Variants in PPARGC1A observed in about 807,000 individuals in gnomAD.
PPARGC1A encodes the protein peroxisome proliferator-activated receptor gamma coactivator 1-alpha.
In PPARGC1A, 25 loss-of-function variants were observed where a neutral mutation model predicts 88.7. The observed-to-expected ratio is 0.28, with a 90% confidence interval of 0.21 to 0.39. PPARGC1A has a LOEUF of 0.39. Among genes scored for constraint, PPARGC1A ranks in the 10% least tolerant of loss-of-function variants. The pLI is 1.00. For missense variants in PPARGC1A, 880 were observed against 968.7 expected (o/e 0.91, Z 1.22); for synonymous variants, 363 against 355.6 (o/e 1.02, Z -0.24).
At chr4:24,039,168 C>T in the PPARGC1A span, among the ~76,000 whole-genome samples, 3 of 152,138 alleles carry the variant, frequency 2.0e-5, no homozygotes, top group African/African-American at 4.8e-5. Context: ...GTAATTTATT[C>T]GCTTTCCAAT....
the PPARGC1A span, among the ~76,000 whole-genome samples, chr4:24,069,927 C>A: frequency 2.6e-5 from 4 of 152,286 alleles, no homozygotes; most frequent in East Asian, 7.7e-4. Flanking sequence ...GACAGGATGC[C>A]TGGCTGAGCA....
At chr4:23,812,004 A>G (rs1046737221) in intron 10 of PPARGC1A, among the ~76,000 whole-genome samples, 8 of 128,008 alleles carry the variant, frequency 6.2e-5, no homozygotes, top group African/African-American at 2.4e-4. Context: ...TGCAACCTCC[A>G]CCTCCCTGGT....
the PPARGC1A span, among the ~76,000 whole-genome samples, chr4:24,356,273 G>A: frequency 6.6e-6 from 1 of 151,888 alleles, no homozygotes; most frequent in East Asian, 1.9e-4. Flanking sequence ...CACAGGGGAA[G>A]CTACAGGGAT....
chr4:24,286,103 A>G, the PPARGC1A span, among the ~76,000 whole-genome samples: 1 of 151,366 alleles, frequency 6.6e-6, no homozygotes, highest in Non-Finnish European at 1.5e-5. Flanking sequence ...TCTTTTACCA[A>G]TCTCTGCATG....
the PPARGC1A span, among the ~76,000 whole-genome samples, chr4:24,173,833 A>G: frequency 6.6e-6 from 1 of 152,232 alleles, no homozygotes; most frequent in Non-Finnish European, 1.5e-5. Flanking sequence ...ACATTTGAAG[A>G]GTTATCACCC....
chr4:24,197,485 C>T, the PPARGC1A span, among the ~76,000 whole-genome samples: 3 of 152,314 alleles, frequency 2.0e-5, no homozygotes, highest in South Asian at 2.1e-4. Context: ...CCAGGTCCCA[C>T]CTTGGTGCTC....
At chr4:24,374,229 TC>T in the PPARGC1A span, among the ~76,000 whole-genome samples, 2 of 152,202 alleles carry the variant, frequency 1.3e-5, no homozygotes, top group African/African-American at 4.8e-5. Context: ...GTATTTCTTT[TC>T]TTCTATCTGC....
chr4:23,802,032 C>G, intron 11 of PPARGC1A, 151 bp from the exon 12 acceptor site: 1 of 1,284,266 alleles, frequency 7.8e-7, no homozygotes, highest in Non-Finnish European at 1.1e-6. Flanking sequence ...CAGCTAAATA[C>G]TTATTTCTGG....
the PPARGC1A span, among the ~76,000 whole-genome samples, chr4:24,367,782 A>C: frequency 6.6e-6 from 1 of 152,186 alleles, no homozygotes; most frequent in African/African-American, 2.4e-5. Flanking sequence ...AATAAGGCAA[A>C]CCTGCCCATT....
At chr4:24,011,264 C>T in the PPARGC1A span, among the ~76,000 whole-genome samples, 5 of 152,128 alleles carry the variant, frequency 3.3e-5, no homozygotes, top group South Asian at 2.1e-4. Flanking sequence ...AAGGCACCTG[C>T]GTATGGACTT....
chr4:24,460,752 C>T, the PPARGC1A span, among the ~76,000 whole-genome samples: 1 of 152,178 alleles, frequency 6.6e-6, no homozygotes, highest in South Asian at 2.1e-4. Flanking sequence ...ATTAGCACTG[C>T]TTCCTGGGCC....
the PPARGC1A span, among the ~76,000 whole-genome samples, chr4:24,193,026 GA>G: frequency 8.5e-5 from 13 of 152,226 alleles, no homozygotes; most frequent in African/African-American, 3.1e-4. Context: ...AGCAAGAGGA[GA>G]TATCTAGATC....
At chr4:24,345,007 G>A in the PPARGC1A span, among the ~76,000 whole-genome samples, 5 of 152,128 alleles carry the variant, frequency 3.3e-5, no homozygotes, top group African/African-American at 1.2e-4. Flanking sequence ...TTGTTGAAAA[G>A]GGGGTCCTTT....
the PPARGC1A span, among the ~76,000 whole-genome samples, chr4:24,126,508 G>A: frequency 7.8e-4 from 119 of 152,284 alleles, no homozygotes; most frequent in East Asian, 0.02. Flanking sequence ...GATGAGATAG[G>A]TGCTTTTCTT....
At chr4:24,034,695 A>G in the PPARGC1A span, among the ~76,000 whole-genome samples, 27,218 of 152,168 alleles carry the variant, frequency 0.18, 2,615 homozygotes, top group Admixed American at 0.26. Flanking sequence ...GTGTGTCTCC[A>G]TTTTTACATG....
the PPARGC1A span, among the ~76,000 whole-genome samples, chr4:24,431,049 C>T: frequency 2.7e-5 from 4 of 148,174 alleles, no homozygotes; most frequent in African/African-American, 9.9e-5. Flanking sequence ...CACTTGAACC[C>T]GGGAGGTGGA....
chr4:24,060,481 A>G, the PPARGC1A span, among the ~76,000 whole-genome samples: 1 of 152,206 alleles, frequency 6.6e-6, no homozygotes, highest in African/African-American at 2.4e-5. Flanking sequence ...TCAGATAAAC[A>G]TTTGTCTAAT....
the PPARGC1A span, among the ~76,000 whole-genome samples, chr4:23,982,481 T>C: frequency 6.6e-6 from 1 of 152,042 alleles, no homozygotes; most frequent in African/African-American, 2.4e-5. Context: ...CCACATCCCA[T>C]TGACTAGAAC....
the PPARGC1A span, among the ~76,000 whole-genome samples, chr4:24,271,770 G>C: frequency 6.6e-6 from 1 of 152,136 alleles, no homozygotes; most frequent in South Asian, 2.1e-4. Flanking sequence ...AAACATAGTA[G>C]TACCTACCTT....
Sources: gnomAD v4.1 joint callset for allele counts (sites outside exome capture counted in the v4.1 genomes callset) on GRCh38, gnomAD v4.1.1 for gene constraint, MANE v1.5 for transcripts, NCBI Gene and HGNC (gene_info 2026-07-23, HGNC 2026-07-21) for gene names.